The following CDH8 variants were observed in gnomAD, a reference collection of about 807,000 sequenced individuals.
CDH8 encodes cadherin-8.
Under a neutral mutation model 68.1 loss-of-function variants are expected in CDH8, and 17 were observed. The observed-to-expected ratio is 0.25, with a 90% CI of 0.17 to 0.37. The LOEUF (loss-of-function observed/expected upper bound fraction) is 0.37. Among genes scored for constraint, CDH8 ranks in the 10% least tolerant of loss-of-function variants. The pLI, the probability that CDH8 is intolerant of heterozygous loss-of-function variation, is 1.00. For missense variants in CDH8, 763 were observed against 999.3 expected, an observed-to-expected ratio of 0.76 and a Z score of 3.19; for synonymous variants, 372 against 365.1, an observed-to-expected ratio of 1.02 and a Z score of -0.21.
At chr16:61,858,903 G>A (rs1963100064) in intron 3 of CDH8, among the ~76,000 whole-genome samples, 1 of 152,154 alleles carries the variant, frequency 6.6e-6, no homozygotes, top group Non-Finnish European at 1.5e-5. Flanking sequence ...ATGGTGGCAG[G>A]GAGTATCGGT....
In CDH8 at chr16:61,736,116, G is replaced by GAAAGA. The variant is rs1567446500; in HGVS notation, c.1415-8902_1415-8901insTCTTT. On this transcript the variant is annotated intron_variant, in intron 8 of 11. Coordinates refer to ENST00000577390, the MANE Select transcript of CDH8 (RefSeq NM_001796.5). ...GAAAGAAGGAAAGAAAGAAAGAAAG[G>GAAAGA]AAGGAAGGAAGGAAGGAAGGAAGGA... Among the ~76,000 whole-genome samples the GAAAGA allele has an allele frequency of 3.4e-3, 251 of 74,768 alleles. 2 individuals carry two copies. Among genetic ancestry groups the GAAAGA allele is most frequent in the African/African-American group, 0.016 (239 of 15,408 alleles). 49.1% of individuals were successfully genotyped at this position (74,768 alleles called of 152,430 possible).
chr16:61,760,583 G>C (rs1596941459), intron 8 of CDH8, among the ~76,000 whole-genome samples: 1 of 152,166 alleles, frequency 6.6e-6, no homozygotes, highest in East Asian at 1.9e-4. Flanking sequence ...AAAGTGCTGG[G>C]ATTACAGGCA....
At chr16:61,964,698 C>G (rs988385410) in intron 2 of CDH8, among the ~76,000 whole-genome samples, 1 of 152,088 alleles carries the variant, frequency 6.6e-6, no homozygotes, top group African/African-American at 2.4e-5. Flanking sequence ...GTCAATGGAT[C>G]CATCATCTGG....
chr16:61,861,232 C>T (rs1371145506), intron 3 of CDH8, among the ~76,000 whole-genome samples: 1 of 152,118 alleles, frequency 6.6e-6, no homozygotes, highest in Non-Finnish European at 1.5e-5. Flanking sequence ...GTTAAAAATG[C>T]CTGTAGTGTG....
chr16:61,757,659 G>T (rs972299240), intron 8 of CDH8, among the ~76,000 whole-genome samples: 5 of 152,010 alleles, frequency 3.3e-5, no homozygotes, highest in Admixed American at 2.0e-4. Flanking sequence ...TCTCTCTTGG[G>T]GTACTTCATC....
chr16:61,973,054 C>A (rs573827601), intron 2 of CDH8, among the ~76,000 whole-genome samples: 12 of 152,286 alleles, frequency 7.9e-5, no homozygotes, highest in African/African-American at 2.6e-4. Flanking sequence ...GACCCTTGAA[C>A]AACATGGATT....
At chr16:61,788,470 A>G (rs1177851261) in intron 8 of CDH8, among the ~76,000 whole-genome samples, 1 of 152,014 alleles carries the variant, frequency 6.6e-6, no homozygotes, top group Non-Finnish European at 1.5e-5. Context: ...TTTGTGCACA[A>G]CTTCAAAGTC....
chr16:61,917,062 AGTGTGTGT>A (rs57232370), intron 2 of CDH8, among the ~76,000 whole-genome samples: 18,681 of 137,178 alleles, frequency 0.14, 1,295 homozygotes, highest in East Asian at 0.22. Context: ...TTTACCTATT[AGTGTGTGT>A]GTGTGTGTGT....
chr16:61,938,407 C>A (rs571951039), intron 2 of CDH8, among the ~76,000 whole-genome samples: 2 of 152,290 alleles, frequency 1.3e-5, no homozygotes, highest in Admixed American at 6.5e-5. Flanking sequence ...ACCATCCTCA[C>A]TCCTGTGGGA....
At chr16:61,908,042 C>CA (rs547459147) in intron 2 of CDH8, among the ~76,000 whole-genome samples, 2,314 of 91,152 alleles carry the variant, frequency 0.025, 63 homozygotes, top group African/African-American at 0.076. Context: ...GACTCAGTCT[C>CA]AAAAAAAAAA....
At chr16:61,971,703 G>A (rs1330900487) in intron 2 of CDH8, among the ~76,000 whole-genome samples, 8 of 152,174 alleles carry the variant, frequency 5.3e-5, no homozygotes. Context: ...GGAGTTTGGA[G>A]GGTGGGGTTG....
chr16:61,890,272 A>G (rs1430521026), intron 3 of CDH8, among the ~76,000 whole-genome samples: 1 of 152,204 alleles, frequency 6.6e-6, no homozygotes, highest in East Asian at 1.9e-4. Context: ...GAGATATAAC[A>G]GGAAAAAATT....
intron 10 of CDH8, among the ~76,000 whole-genome samples, chr16:61,684,914 T>C (rs1964078893): frequency 6.6e-6 from 1 of 152,008 alleles, no homozygotes; most frequent in South Asian, 2.1e-4. Flanking sequence ...CTCCAGACTC[T>C]TGGCTCCAGT....
At chr16:61,654,845 A>C (rs563690177) in intron 11 of CDH8, among the ~76,000 whole-genome samples, 1 of 152,304 alleles carries the variant, frequency 6.6e-6, no homozygotes, top group Admixed American at 6.5e-5. Context: ...GGGTAGTATA[A>C]GATACGACTC....
chr16:61,735,751 A>C (rs1242639956), intron 8 of CDH8, among the ~76,000 whole-genome samples: 1 of 152,080 alleles, frequency 6.6e-6, no homozygotes, highest in Non-Finnish European at 1.5e-5. Flanking sequence ...TTCGCCTTTA[A>C]AAATTAGGAA....
chr16:61,860,823 C>T (rs1963137012), intron 3 of CDH8, among the ~76,000 whole-genome samples: 1 of 152,100 alleles, frequency 6.6e-6, no homozygotes, highest in Non-Finnish European at 1.5e-5. Flanking sequence ...GAGAAAAAAA[C>T]ATATCCAAAT....
At chr16:61,768,551 T>C (rs955787346) in intron 8 of CDH8, among the ~76,000 whole-genome samples, 7 of 151,486 alleles carry the variant, frequency 4.6e-5, no homozygotes, top group African/African-American at 1.7e-4. Flanking sequence ...TGATCTGCCC[T>C]GGGAACAATT....
At chr16:61,807,340 G>C (rs1399812178) in intron 7 of CDH8, among the ~76,000 whole-genome samples, 1 of 105,938 alleles carries the variant, frequency 9.4e-6, no homozygotes. Context: ...GGGGAGGGGG[G>C]AGGGATAGCA....
chr16:62,000,892 T>C (rs1965882747), intron 2 of CDH8, among the ~76,000 whole-genome samples: 1 of 152,236 alleles, frequency 6.6e-6, no homozygotes, highest in African/African-American at 2.4e-5. Context: ...CAATACTTTA[T>C]TAATGAATAA....
Sources: gnomAD v4.1 joint callset for allele counts (sites outside exome capture counted in the v4.1 genomes callset) on GRCh38, gnomAD v4.1.1 for gene constraint, MANE v1.5 for transcripts, NCBI Gene and HGNC (gene_info 2026-07-23, HGNC 2026-07-21) for gene names.